The following PVALB variants were observed in gnomAD, a reference collection of about 807,000 sequenced individuals.
PVALB encodes parvalbumin alpha.
In PVALB, 11 loss-of-function variants were observed where a neutral mutation model predicts 10.9. The observed-to-expected ratio is 1.01, with a 90% CI of 0.63 to 1.67. The LOEUF (loss-of-function observed/expected upper bound fraction) is 1.67, where lower values mean the gene tolerates loss of function less well. PVALB is among the 40% of genes most tolerant of loss of function. The probability of loss-of-function intolerance (pLI) is 0.00; values close to 1 mark genes in which losing one functional copy is unlikely to be tolerated. For synonymous variants in PVALB, 57 were observed against 50.7 expected (o/e 1.12, Z -0.53); for missense variants, 131 against 136.2 (o/e 0.96, Z 0.19).
Position 36,815,241 on chromosome 22 carries a change from G to C in PVALB, c.62-6C>G, listed in dbSNP as rs776938092. 8.7e-6 allele frequency: 14 copies of C among 1,614,008 alleles called. No individual in the cohort carries two copies. Among genetic ancestry groups the C allele is most frequent in the South Asian group, 4.4e-5 (4 of 91,084 alleles). Reference sequence around the variant, plus strand: ...GTGGTCGAAGGAGTCGGTAGCTGTGGGGGGAAGAGCAGGGTCAAACAAGGA... The same window carrying C: ...GTGGTCGAAGGAGTCGGTAGCTGTGCGGGGAAGAGCAGGGTCAAACAAGGA... On this transcript the variant is annotated splice_region_variant and splice_polypyrimidine_tract_variant and intron_variant, in intron 1 of 3. Coordinates refer to ENST00000417718, the MANE Select transcript of PVALB (RefSeq NM_001315532.2).
Position 36,815,158 on chromosome 22 carries a change from C to A in PVALB, c.139G>T (p.Val47Leu), listed in dbSNP as rs1238034912. 3.1e-6 allele frequency: 5 copies of A among 1,614,028 alleles called. No homozygotes were observed. The highest frequency in any genetic ancestry group is 4.2e-6 in the Non-Finnish European group (5 of 1,180,014). The change falls in exon 2 of 4, where the codon GTG becomes TTG. Residue 47 changes from valine (V) to leucine (L), a missense_variant. Val to Leu is a conservative substitution (Grantham distance 32). Transcript: ENST00000417718. Reference protein sequence around the residue: ...KKKSADDVKKVFHMLDKDKSG... With the variant: ...KKKSADDVKKLFHMLDKDKSG... ...TTGTCCTTGTCCAGCATGTGAAACACCTTCTTCACATCATCCGCACTCTTT... is the reference window on the plus strand; with the variant it reads ...TTGTCCTTGTCCAGCATGTGAAACAACTTCTTCACATCATCCGCACTCTTT...
intron 3 of PVALB, among the ~76,000 whole-genome samples, chr22:36,801,148 A>G (rs1335739532): frequency 6.6e-6 from 1 of 152,230 alleles, no homozygotes; most frequent in Admixed American, 6.5e-5. Context: ...TCATCATGCC[A>G]TGCCACACCC....
intron 1 of PVALB, chr22:36,816,503 T>G (rs1041809380): frequency 6.0e-6 from 1 of 167,542 alleles, no homozygotes; most frequent in African/African-American, 2.4e-5. Flanking sequence ...GGCTACCGCC[T>G]GGCGGGAAAA....
chr22:36,808,076 G>A (rs189268779), intron 3 of PVALB, among the ~76,000 whole-genome samples: 4 of 152,344 alleles, frequency 2.6e-5, no homozygotes, highest in African/African-American at 7.2e-5. Flanking sequence ...CTAGGACTGC[G>A]TGCAGGCACG....
chr22:36,803,162 G>A (rs1938895198), intron 3 of PVALB, among the ~76,000 whole-genome samples: 1 of 152,122 alleles, frequency 6.6e-6, no homozygotes, highest in Admixed American at 6.5e-5. Flanking sequence ...GGGAAACTGA[G>A]GCTCAAAAAT....
At position 36,815,148 on chromosome 22, in the gene PVALB, A is replaced by C; in HGVS notation, c.149T>G (p.Met50Arg). The change falls in exon 2 of 4, where the codon ATG becomes AGG. Residue 50 changes from methionine to arginine, a missense_variant. Met to Arg is a moderately conservative substitution (Grantham distance 91). Transcript: ENST00000417718. ...SADDVKKVFH[M>R]LDKDKSGFIE... Reference sequence around the variant, plus strand: ...GAAGCCACTTTTGTCCTTGTCCAGCATGTGAAACACCTTCTTCACATCATC... The same window carrying C: ...GAAGCCACTTTTGTCCTTGTCCAGCCTGTGAAACACCTTCTTCACATCATC... 6.2e-7 allele frequency: 1 copy of C among 1,614,196 alleles called. No homozygotes were observed. Among genetic ancestry groups the C allele is most frequent in the Non-Finnish European group, 8.5e-7 (1 of 1,180,032 alleles).
intron 3 of PVALB, among the ~76,000 whole-genome samples, chr22:36,806,786 C>T (rs556027894): frequency 2.0e-5 from 3 of 152,258 alleles, no homozygotes; most frequent in Admixed American, 1.3e-4. Flanking sequence ...TCATCCTCGT[C>T]GGCTCTCTTA....
intron 3 of PVALB, among the ~76,000 whole-genome samples, chr22:36,808,703 A>G (rs911681756): frequency 6.6e-6 from 1 of 152,186 alleles, no homozygotes; most frequent in Non-Finnish European, 1.5e-5. Context: ...GGTGATGCTG[A>G]CACCCGCTCC....
At chr22:36,802,170 G>A (rs895865876) in intron 3 of PVALB, among the ~76,000 whole-genome samples, 28 of 152,064 alleles carry the variant, frequency 1.8e-4, no homozygotes, top group Non-Finnish European at 2.4e-4. Flanking sequence ...TATTAACATC[G>A]GGGGAGCTGG....
chr22:36,815,337 C>A, intron 1 of PVALB, 102 bp from the exon 2 acceptor site: 1 of 1,487,324 alleles, frequency 6.7e-7, no homozygotes, highest in Non-Finnish European at 9.3e-7. Context: ...TTCCCACATG[C>A]CAGTCATGGG....
intron 3 of PVALB, among the ~76,000 whole-genome samples, chr22:36,802,142 T>C (rs1227143718): frequency 6.6e-6 from 1 of 152,232 alleles, no homozygotes; most frequent in African/African-American, 2.4e-5. Context: ...TTCATCATTG[T>C]ACTGTGGTTA....
intron 3 of PVALB, among the ~76,000 whole-genome samples, chr22:36,811,020 A>G (rs1939037485): frequency 6.6e-6 from 1 of 152,224 alleles, no homozygotes; most frequent in Admixed American, 6.5e-5. Context: ...TCATGCCTGT[A>G]ACCCCAGCAC....
intron 3 of PVALB, among the ~76,000 whole-genome samples, chr22:36,807,071 T>A (rs1938960819): frequency 6.6e-6 from 1 of 152,182 alleles, no homozygotes; most frequent in South Asian, 2.1e-4. Context: ...TCTTTTCTAG[T>A]GCAGCATAAG....
intron 3 of PVALB, among the ~76,000 whole-genome samples, chr22:36,804,731 C>T (rs563035827): frequency 2.0e-4 from 31 of 152,244 alleles, no homozygotes; most frequent in Admixed American, 1.6e-3. Context: ...GTCAGGAGTT[C>T]GAGACCAGCC....
chr22:36,805,858 A>G (rs572323559), intron 3 of PVALB, among the ~76,000 whole-genome samples: 2 of 152,284 alleles, frequency 1.3e-5, no homozygotes, highest in Admixed American at 1.3e-4. Context: ...AAGCAAGACA[A>G]GGAAGATATA....
chr22:36,817,666 A>G (rs537884303), upstream of PVALB, among the ~76,000 whole-genome samples: 22 of 152,266 alleles, frequency 1.4e-4, 1 homozygote, highest in South Asian at 4.1e-3. Context: ...GCCCCATCCC[A>G]CATCTGGCCA....
chr22:36,811,643 C>A, intron 3 of PVALB: 1 of 428,120 alleles, frequency 2.3e-6, no homozygotes. Context: ...TTTCTGTGAG[C>A]AGTCAGCCAT....
At chr22:36,817,242 C>T, upstream of PVALB, 1 of 346,652 alleles carries the variant, frequency 2.9e-6, no homozygotes, top group Non-Finnish European at 5.1e-6. Flanking sequence ...CACTCCTGCA[C>T]CGCCAGGCCA....
At chr22:36,818,222 T>A (rs1186284525), upstream of PVALB, among the ~76,000 whole-genome samples, 1 of 152,032 alleles carries the variant, frequency 6.6e-6, no homozygotes, top group Non-Finnish European at 1.5e-5. Flanking sequence ...ACGTCAGTGG[T>A]CCCATGTAGT....
Sources: gnomAD v4.1 joint callset for allele counts (sites outside exome capture counted in the v4.1 genomes callset) on GRCh38, gnomAD v4.1.1 for gene constraint, MANE v1.5 for transcripts, NCBI Gene and HGNC (gene_info 2026-07-23, HGNC 2026-07-21) for gene names.